The following SPMIP2 variants were observed in gnomAD, a reference collection of about 807,000 sequenced individuals.
SPMIP2 encodes sperm microtubule inner protein 2.
At chr4:158,941,769 G>A in the SPMIP2 span, among the ~76,000 whole-genome samples, 1 of 152,122 alleles carries the variant, frequency 6.6e-6, no homozygotes, top group South Asian at 2.1e-4. Context: ...TTTAAAGAAA[G>A]TAATATTTAA....
chr4:158,981,009 A>T, the SPMIP2 span, among the ~76,000 whole-genome samples: 1 of 152,248 alleles, frequency 6.6e-6, no homozygotes, highest in East Asian at 1.9e-4. Context: ...AGAAGAACAT[A>T]GATGACCTGA....
At chr4:158,913,839 C>T in the SPMIP2 span, among the ~76,000 whole-genome samples, 1 of 149,452 alleles carries the variant, frequency 6.7e-6, no homozygotes, top group South Asian at 2.1e-4. Context: ...GTGAGACCCC[C>T]ATATCTTAAA....
At chr4:159,005,689 T>G in the SPMIP2 span, among the ~76,000 whole-genome samples, 8 of 152,346 alleles carry the variant, frequency 5.3e-5, 1 homozygote, top group South Asian at 1.7e-3. Flanking sequence ...GTTAATAACT[T>G]TCAATATTGA....
chr4:158,975,017 T>C, the SPMIP2 span, among the ~76,000 whole-genome samples: 2 of 152,242 alleles, frequency 1.3e-5, no homozygotes, highest in African/African-American at 4.8e-5. Flanking sequence ...TGTGATATGG[T>C]ATCTTACTGT....
the SPMIP2 span, among the ~76,000 whole-genome samples, chr4:159,015,203 G>T: frequency 4.6e-5 from 7 of 152,110 alleles, no homozygotes; most frequent in African/African-American, 7.2e-5. Context: ...ATATACAAAT[G>T]CAAGGAATGC....
the SPMIP2 span, among the ~76,000 whole-genome samples, chr4:158,986,983 AC>A: frequency 7.0e-6 from 1 of 142,816 alleles, no homozygotes; most frequent in Non-Finnish European, 1.5e-5. Context: ...ACATGAACAG[AC>A]ACTTCTCAAA....
chr4:158,999,179 A>AAC, the SPMIP2 span, among the ~76,000 whole-genome samples: 30 of 144,714 alleles, frequency 2.1e-4, no homozygotes, highest in African/African-American at 4.8e-4. Context: ...TCAAAAAAAA[A>AAC]AACAACAAAA....
chr4:158,910,147 T>C, the SPMIP2 span, among the ~76,000 whole-genome samples: 9 of 151,830 alleles, frequency 5.9e-5, no homozygotes, highest in Non-Finnish European at 8.8e-5. Context: ...TCCCAAACCG[T>C]TGGGATTACA....
chr4:158,990,448 T>A, the SPMIP2 span, among the ~76,000 whole-genome samples: 1 of 152,156 alleles, frequency 6.6e-6, no homozygotes, highest in Non-Finnish European at 1.5e-5. Flanking sequence ...TGCAGCACTG[T>A]TCACAATAGT....
chr4:158,999,032 C>T, the SPMIP2 span, among the ~76,000 whole-genome samples: 1 of 151,938 alleles, frequency 6.6e-6, no homozygotes, highest in African/African-American at 2.4e-5. Flanking sequence ...GGCATGGTGG[C>T]ACACACCTGT....
At chr4:158,928,325 AG>A in the SPMIP2 span, among the ~76,000 whole-genome samples, 1 of 150,280 alleles carries the variant, frequency 6.7e-6, no homozygotes, top group East Asian at 1.9e-4. Context: ...TGTCTAGCTC[AG>A]GGATTGTAAA....
chr4:158,952,866 TAGAGA>T, the SPMIP2 span, among the ~76,000 whole-genome samples: 6 of 152,186 alleles, frequency 3.9e-5, no homozygotes, highest in African/African-American at 1.4e-4. Flanking sequence ...GCCCCTGCCC[TAGAGA>T]TTTGTGGATC....
the SPMIP2 span, among the ~76,000 whole-genome samples, chr4:158,924,758 C>T: frequency 3.3e-5 from 5 of 152,118 alleles, 1 homozygote; most frequent in South Asian, 1.0e-3. Flanking sequence ...GATCCTCTCA[C>T]CTCAGCTTCC....
At chr4:159,035,113 G>A in the SPMIP2 span, 11 of 1,606,366 alleles carry the variant, frequency 6.8e-6, no homozygotes, top group East Asian at 4.5e-5. Flanking sequence ...AGTCTTAACC[G>A]TGCTACTGGA....
the SPMIP2 span, among the ~76,000 whole-genome samples, chr4:158,987,487 A>G: frequency 2.0e-5 from 3 of 152,160 alleles, no homozygotes; most frequent in Non-Finnish European, 2.9e-5. Context: ...TTGTAGGGAC[A>G]TGGATGAAAT....
the SPMIP2 span, among the ~76,000 whole-genome samples, chr4:159,082,332 CAAATAAATAAATAAAT>C: frequency 6.6e-6 from 1 of 150,802 alleles, no homozygotes; most frequent in African/African-American, 2.4e-5. Context: ...GATTCCATCT[CAAATAAATAAATAAAT>C]AAATAAATAA....
the SPMIP2 span, among the ~76,000 whole-genome samples, chr4:158,894,465 A>G: frequency 6.6e-6 from 1 of 152,084 alleles, no homozygotes; most frequent in Non-Finnish European, 1.5e-5. Flanking sequence ...AGCCACTATG[A>G]CTGGCTAAAA....
chr4:158,995,459 T>A, the SPMIP2 span, among the ~76,000 whole-genome samples: 267 of 152,328 alleles, frequency 1.8e-3, no homozygotes, highest in African/African-American at 5.9e-3. Flanking sequence ...TTTGGCACCT[T>A]ACCACATGCC....
At chr4:159,053,539 T>A in the SPMIP2 span, among the ~76,000 whole-genome samples, 1 of 152,162 alleles carries the variant, frequency 6.6e-6, no homozygotes. Context: ...TTTAGGTCTC[T>A]TCCAGGATCT....
Sources: gnomAD v4.1 joint callset for allele counts (sites outside exome capture counted in the v4.1 genomes callset) on GRCh38, gnomAD v4.1.1 for gene constraint, MANE v1.5 for transcripts, NCBI Gene and HGNC (gene_info 2026-07-23, HGNC 2026-07-21) for gene names.